The following TTC33 variants were observed in gnomAD, a reference collection of about 807,000 sequenced individuals.
The protein encoded by TTC33 is tetratricopeptide repeat domain 33, also known as tetratricopeptide repeat protein 33.
A neutral mutation model predicts 29.4 loss-of-function variants in TTC33; 24 were observed. The ratio of observed to expected loss-of-function variants is 0.82; its 90% confidence interval spans 0.59 to 1.15. The LOEUF is 1.15. Among genes scored for constraint, TTC33 ranks in the 50% most tolerant of loss-of-function variants. TTC33 has a pLI of 0.00. For missense variants in TTC33, 286 were observed against 310.4 expected, an observed-to-expected ratio of 0.92 and a Z score of 0.59; for synonymous variants, 107 against 100.3, an observed-to-expected ratio of 1.07 and a Z score of -0.40.
chr5:40,747,964 T>C (rs573303877), intron 1 of TTC33, among the ~76,000 whole-genome samples: 3 of 151,568 alleles, frequency 2.0e-5, no homozygotes, highest in Admixed American at 6.6e-5. Flanking sequence ...TAGCTGGGAT[T>C]ATAGGCAGGC....
chr5:40,727,946 T>C (rs1410580267), intron 4 of TTC33, among the ~76,000 whole-genome samples: 1 of 152,204 alleles, frequency 6.6e-6, no homozygotes, highest in Non-Finnish European at 1.5e-5. Context: ...TTGTATAGAC[T>C]TGATAAACGG....
At chr5:40,740,717 T>C (rs1742674769) in intron 2 of TTC33, among the ~76,000 whole-genome samples, 1 of 152,148 alleles carries the variant, frequency 6.6e-6, no homozygotes, top group Non-Finnish European at 1.5e-5. Flanking sequence ...CCATCCAACC[T>C]TCCCTCCCTC....
chr5:40,733,501 C>A (rs1742481789), intron 2 of TTC33, among the ~76,000 whole-genome samples: 1 of 152,234 alleles, frequency 6.6e-6, no homozygotes, highest in Non-Finnish European at 1.5e-5. Flanking sequence ...ATCTACTTGG[C>A]CCAACCACTG....
At chr5:40,732,513 T>G (rs758764686) in intron 2 of TTC33, among the ~76,000 whole-genome samples, 10 of 151,894 alleles carry the variant, frequency 6.6e-5, no homozygotes, top group Non-Finnish European at 1.2e-4. Context: ...TTTTGTCTTC[T>G]CTTCTCTAAT....
Position 40,714,822 on chromosome 5 carries a change from G to C in TTC33, c.*1323C>G, listed in dbSNP as rs1483952673. ...TCATTACTTATAAGCTCCAACAGTA[G>C]TAAGATCTTTAACATAAAGTGGGCT... On this transcript the variant is annotated 3_prime_UTR_variant, in exon 5 of 5. Coordinates refer to ENST00000337702, the MANE Select transcript of TTC33 (RefSeq NM_012382.3). 1.3e-5 allele frequency: 2 copies of C among 152,160 alleles called. No homozygotes were observed. Among genetic ancestry groups the C allele is most frequent in the Non-Finnish European group, 2.9e-5 (2 of 67,948 alleles). The allele number at this position is 152,160 out of a possible 1,614,324, so 9.4% of individuals were successfully genotyped here. A position where few individuals can be genotyped will look rare whatever the true frequency, so the allele number is the denominator to read the frequency against.
Position 40,733,506 on chromosome 5 carries a change from C to T in TTC33, c.222-3163G>A, listed in dbSNP as rs554094943. 2.0e-5 allele frequency among the ~76,000 whole-genome samples: 3 copies of T among 152,258 alleles called. No homozygotes were observed. The East Asian group carries it at 5.8e-4, about 29-fold the overall frequency. On this transcript the variant is annotated intron_variant, in intron 2 of 4. Transcript: ENST00000337702. ...CCAACCCTAGATCTACTTGGCCCAA[C>T]CACTGTTAAAAGCTTATCATATTTG...
intron 2 of TTC33, among the ~76,000 whole-genome samples, chr5:40,738,278 G>A (rs1385029667): frequency 2.0e-5 from 3 of 151,858 alleles, no homozygotes; most frequent in Non-Finnish European, 2.9e-5. Context: ...CAGGCATAGA[G>A]TGGTGCGCGC....
intron 4 of TTC33, among the ~76,000 whole-genome samples, chr5:40,722,709 G>A (rs1358329366): frequency 1.3e-5 from 2 of 151,772 alleles, no homozygotes; most frequent in African/African-American, 4.8e-5. Context: ...TCTCCGCCCG[G>A]CCAGCGCCCC....
chr5:40,750,613 C>T (rs1742878189), intron 1 of TTC33, among the ~76,000 whole-genome samples: 1 of 152,084 alleles, frequency 6.6e-6, no homozygotes, highest in Admixed American at 6.6e-5. Flanking sequence ...ACTGATTCTC[C>T]CTTTCACAAA....
intron 2 of TTC33, among the ~76,000 whole-genome samples, chr5:40,743,674 G>A (rs1742740243): frequency 6.6e-6 from 1 of 152,158 alleles, no homozygotes; most frequent in East Asian, 1.9e-4. Flanking sequence ...CTGGGAGGCT[G>A]AGGCAGGGAG....
Position 40,728,372 on chromosome 5 carries a change from A to G in TTC33, c.408T>C (p.Ala136=), listed in dbSNP as rs1305127851. The part of the protein sequence containing the change: ...SWESWQTLGR[A]QLGLGEIILA... ...GGATTATCTCTCCTAAACCAAGTTG[A>G]GCACGTCCCAAAGTCTGCCAAGACT... Residue 136 remains alanine (A), a synonymous_variant, in exon 4 of 5, where the codon GCT becomes GCC. Transcript: ENST00000337702. 8 of 1,611,994 alleles carry G rather than the reference A, an allele frequency of 5.0e-6. No individual in the cohort carries two copies. Among genetic ancestry groups the G allele is most frequent in the Non-Finnish European group, 6.8e-6 (8 of 1,179,218 alleles).
At chr5:40,723,710 C>T (rs1487744861) in intron 4 of TTC33, among the ~76,000 whole-genome samples, 1 of 151,908 alleles carries the variant, frequency 6.6e-6, no homozygotes, top group Non-Finnish European at 1.5e-5. Context: ...ACTAAAAATA[C>T]AAAAATTAGC....
Position 40,713,961 on chromosome 5 carries a change from T to C in TTC33, c.*2184A>G, listed in dbSNP as rs760954659. Among the ~76,000 whole-genome samples the C allele has an allele frequency of 1.4e-4, 21 of 152,148 alleles. No individual in the cohort carries two copies. The highest frequency in any genetic ancestry group is 6.2e-4 in the South Asian group (3 of 4,834). ...TTTTGAGGGGCCTGCAGAAATGAGC[T>C]GCCTTCCTTCTCCATAACTTACTGT... On this transcript the variant is annotated 3_prime_UTR_variant, in exon 5 of 5. Coordinates refer to ENST00000337702, the MANE Select transcript of TTC33 (RefSeq NM_012382.3).
Position 40,733,819 on chromosome 5 carries a change from C to T in TTC33, c.222-3476G>A, listed in dbSNP as rs1234960710. Among the ~76,000 whole-genome samples the T allele has an allele frequency of 5.9e-5, 9 of 152,260 alleles. No individual in the cohort carries two copies. In the East Asian group the frequency reaches 1.7e-3, roughly 29 times the overall value. The stretch of plus-strand genomic sequence containing the variant: ...TAAGTTGTCCCAAGTACGAAATAAA[C>T]TAAGAGGTTCAAGGTGACAATGACC... On this transcript the variant is annotated intron_variant, in intron 2 of 4. Coordinates refer to ENST00000337702, the MANE Select transcript of TTC33 (RefSeq NM_012382.3).
At chr5:40,730,572 T>C (rs148011870) in intron 2 of TTC33, among the ~76,000 whole-genome samples, 3 of 152,254 alleles carry the variant, frequency 2.0e-5, no homozygotes, top group East Asian at 1.9e-4. Flanking sequence ...TGAAACTCCA[T>C]ACCCATTAAA....
chr5:40,734,744 T>C (rs1742508232), intron 2 of TTC33, among the ~76,000 whole-genome samples: 2 of 152,208 alleles, frequency 1.3e-5, no homozygotes, highest in African/African-American at 4.8e-5. Flanking sequence ...AGAATTCTAG[T>C]AATAAGTACT....
chr5:40,738,437 T>C (rs1034883685), intron 2 of TTC33, among the ~76,000 whole-genome samples: 6 of 70,250 alleles, frequency 8.5e-5, no homozygotes, highest in Non-Finnish European at 1.7e-4. Flanking sequence ...AAATAAAATA[T>C]AAAATAAAAT....
intron 2 of TTC33, among the ~76,000 whole-genome samples, chr5:40,743,383 G>C (rs1393853546): frequency 1.3e-5 from 2 of 152,198 alleles, no homozygotes; most frequent in Non-Finnish European, 2.9e-5. Flanking sequence ...CACAGTTTAA[G>C]ATGAAGTTGA....
At position 40,725,265 on chromosome 5, in the gene TTC33, G is replaced by A. The variant is rs1334925977; in HGVS notation, c.435+3080C>T. Among the ~76,000 whole-genome samples the A allele has an allele frequency of 3.3e-5, 5 of 150,914 alleles. No individual in the cohort carries two copies. In the East Asian group the frequency reaches 5.8e-4, roughly 18 times the overall value. ...GCCTCCCAAAGTGCTGAGATTATAC[G>A]CGTGAGCCAGGATGCCCAGCCCCTC... is the stretch of plus-strand genomic sequence containing the variant. On this transcript the variant is annotated intron_variant, in intron 4 of 4. Transcript: ENST00000337702.
Sources: gnomAD v4.1 joint callset for allele counts (sites outside exome capture counted in the v4.1 genomes callset) on GRCh38, gnomAD v4.1.1 for gene constraint, MANE v1.5 for transcripts, NCBI Gene and HGNC (gene_info 2026-07-23, HGNC 2026-07-21) for gene names.